SERPING1: variants seen among roughly 807,000 people sequenced by gnomAD.
The protein encoded by SERPING1 is serpin family G member 1, also known as plasma protease C1 inhibitor.
Under a neutral mutation model 34.1 loss-of-function variants are expected in SERPING1, and 5 were observed. The observed-to-expected ratio is 0.15, with a 90% CI of 0.08 to 0.31. The LOEUF is 0.31. Ranked by LOEUF, SERPING1 falls within the 10% of genes least tolerant of loss-of-function variation. The pLI is 1.00. For synonymous variants in SERPING1, 225 were observed against 242.4 expected (o/e 0.93, Z 0.67); for missense variants, 505 against 609.5 (o/e 0.83, Z 1.81).
At chr11:57,611,535 A>G (rs768441647) in intron 6 of SERPING1, 182 bp from the exon 7 acceptor site, 2 of 671,978 alleles carry the variant, frequency 3.0e-6, no homozygotes, top group East Asian at 2.6e-5. Flanking sequence ...ACAGAGTTGG[A>G]TCAGCACTGT....
chr11:57,601,064 T>C (rs1945342480), intron 3 of SERPING1, among the ~76,000 whole-genome samples: 1 of 151,986 alleles, frequency 6.6e-6, no homozygotes, highest in South Asian at 2.1e-4. Flanking sequence ...TGAGTCCTCT[T>C]GTGTAAAATA....
At chr11:57,613,379 T>C (rs1202971842) in intron 7 of SERPING1, among the ~76,000 whole-genome samples, 1 of 152,150 alleles carries the variant, frequency 6.6e-6, no homozygotes, top group African/African-American at 2.4e-5. Flanking sequence ...CAAGACTGGG[T>C]TGTCACCTGT....
intron 4 of SERPING1, among the ~76,000 whole-genome samples, chr11:57,604,778 GGATT>G (rs926920171): frequency 6.6e-6 from 1 of 151,858 alleles, no homozygotes; most frequent in African/African-American, 2.4e-5. Flanking sequence ...TGAGGTAGGA[GGATT>G]GCTTGAGGCT....
At position 57,606,088 on chromosome 11, in the gene SERPING1, G is replaced by A; in HGVS notation, c.764G>A (p.Ser255Asn). The change falls in exon 5 of 8, where the codon AGT becomes AAT. Residue 255 changes from serine (S) to asparagine (N), a missense_variant. Ser to Asn is a conservative substitution (Grantham distance 46). Transcript: ENST00000278407. ...SSSPRVLSNNSDANLELINTW... is the reference protein window; with the variant it reads ...SSSPRVLSNNNDANLELINTW... ...AGCCCCAGAGTCCTAAGCAACAACA[G>A]TGACGCCAACTTGGAGCTCATCAAC... 6.2e-7 allele frequency: 1 copy of A among 1,614,126 alleles called. No homozygotes were observed. The highest frequency in any genetic ancestry group is 8.5e-7 in the Non-Finnish European group (1 of 1,180,024).
intron 1 of SERPING1, 38 bp from the exon 2 acceptor site, chr11:57,598,211 A>C: frequency 6.6e-7 from 1 of 1,514,252 alleles, no homozygotes; most frequent in African/African-American, 1.4e-5. Flanking sequence ...CTGGGCTCCC[A>C]GGGTGGGAGC....
chr11:57,612,674 C>T (rs996308705), intron 7 of SERPING1, among the ~76,000 whole-genome samples: 2 of 152,140 alleles, frequency 1.3e-5, no homozygotes, highest in African/African-American at 4.8e-5. Flanking sequence ...GCCTCGGCCT[C>T]CCAAAGTGCT....
At chr11:57,598,144 A>C (rs910386251) in intron 1 of SERPING1, 105 bp from the exon 2 acceptor site, 12 of 812,714 alleles carry the variant, frequency 1.5e-5, no homozygotes, top group South Asian at 3.5e-5. Context: ...GGAATTCGCT[A>C]AGAGGGACTG....
At chr11:57,613,374 C>T (rs902070218) in intron 7 of SERPING1, among the ~76,000 whole-genome samples, 4 of 152,192 alleles carry the variant, frequency 2.6e-5, no homozygotes, top group African/African-American at 7.2e-5. Context: ...AGTTACAAGA[C>T]TGGGTTGTCA....
chr11:57,614,285 T>A (rs1417374755), intron 7 of SERPING1, 43 bp from the exon 8 acceptor site: 1 of 1,609,194 alleles, frequency 6.2e-7, no homozygotes, highest in South Asian at 1.1e-5. Flanking sequence ...GCTGAGGGTA[T>A]CATGCTGGCT....
intron 6 of SERPING1, among the ~76,000 whole-genome samples, chr11:57,607,342 G>A (rs1453204307): frequency 6.6e-6 from 1 of 152,084 alleles, no homozygotes; most frequent in Non-Finnish European, 1.5e-5. Flanking sequence ...AGGTCACCTT[G>A]GTGGAGAAGT....
intron 4 of SERPING1, among the ~76,000 whole-genome samples, 157 bp downstream of exon 4, chr11:57,602,326 G>A (rs928424845): frequency 1.6e-4 from 25 of 152,208 alleles, no homozygotes; most frequent in African/African-American, 6.0e-4. Context: ...AGGAGCATTA[G>A]GTCACTCCAG....
rs1590821115 is a variant in SERPING1 at position 57,597,988 on chromosome 11, A to G, written c.-22-261A>G. On this transcript the variant is annotated intron_variant, in intron 1 of 7. Coordinates refer to ENST00000278407, the MANE Select transcript of SERPING1 (RefSeq NM_000062.3). ...AGCAGGACCCCCTCCCCCTCCCACC[A>G]CCTCCCCTCCGACTGAACAGATGGA... 2.4e-5 allele frequency: 10 copies of G among 416,206 alleles called. No homozygotes were observed. In the East Asian group the frequency reaches 3.5e-4, roughly 15 times the overall value. 25.8% of individuals were successfully genotyped at this position (416,206 alleles called of 1,614,324 possible). A position where few individuals can be genotyped will look rare whatever the true frequency, so the allele number is the denominator to read the frequency against.
chr11:57,613,469 A>C (rs1350631433), intron 7 of SERPING1, among the ~76,000 whole-genome samples: 3 of 152,344 alleles, frequency 2.0e-5, no homozygotes, highest in African/African-American at 7.2e-5. Flanking sequence ...ATAGCTGACA[A>C]AACTCAGGAG....
chr11:57,602,368 A>T (rs540818357), intron 4 of SERPING1, among the ~76,000 whole-genome samples, 199 bp downstream of exon 4: 50 of 152,378 alleles, frequency 3.3e-4, no homozygotes, highest in South Asian at 6.2e-4. Context: ...GAGACCTTAG[A>T]CAAGTCTCTG....
In SERPING1 at chr11:57,606,216, A is replaced by G. The variant is rs186014033; in HGVS notation, c.889+3A>G. 2.3e-5 allele frequency: 37 copies of G among 1,614,184 alleles called. 1 individual carries two copies. In the East Asian group the frequency reaches 7.1e-4, roughly 31 times the overall value. On this transcript the variant is annotated splice_donor_region_variant and intron_variant, in intron 5 of 7. Transcript: ENST00000278407. ...CCTCAATGCTATCTACCTGAGTGGTAAGGGTGCCCTTAGCCAGTTAGTCTT... is the reference window on the plus strand; with the variant it reads ...CCTCAATGCTATCTACCTGAGTGGTGAGGGTGCCCTTAGCCAGTTAGTCTT...
chr11:57,606,778 C>T, intron 6 of SERPING1: 2 of 696,402 alleles, frequency 2.9e-6, no homozygotes, highest in Non-Finnish European at 5.2e-6. Context: ...TCATGCATCT[C>T]TACTATATTG....
rs765115304 is a variant in SERPING1, at chr11:57,614,669, C to T, written c.*88C>T. ...TGCTGCTGCCTGCCTGGACTTGGCCCCTGCCACCTCCTGCCTCAGGTGTCC... is the reference window on the plus strand; with the variant it reads ...TGCTGCTGCCTGCCTGGACTTGGCCTCTGCCACCTCCTGCCTCAGGTGTCC... On this transcript the variant is annotated 3_prime_UTR_variant, in exon 8 of 8. Coordinates refer to ENST00000278407, the MANE Select transcript of SERPING1 (RefSeq NM_000062.3). 1.6e-5 allele frequency: 23 copies of T among 1,452,974 alleles called. No homozygotes were observed. Among genetic ancestry groups the T allele is most frequent in the Non-Finnish European group, 2.1e-5 (23 of 1,070,652 alleles). 90.0% of individuals were successfully genotyped at this position (1,452,974 alleles called of 1,614,324 possible). A position where few individuals can be genotyped will look rare whatever the true frequency, so the allele number is the denominator to read the frequency against.
intron 6 of SERPING1, among the ~76,000 whole-genome samples, chr11:57,610,587 C>A (rs987253973): frequency 2.0e-5 from 3 of 152,210 alleles, no homozygotes; most frequent in East Asian, 1.9e-4. Context: ...CTTCTAGATT[C>A]TTTTTGTTCC....
At chr11:57,602,665 G>T (rs1436474556) in intron 4 of SERPING1, among the ~76,000 whole-genome samples, 1 of 150,830 alleles carries the variant, frequency 6.6e-6, no homozygotes, top group East Asian at 2.0e-4. Context: ...TGAGGCAGGA[G>T]AATTGCTTGA....
Sources: allele counts gnomAD v4.1 joint callset (sites outside exome capture counted in the v4.1 genomes callset), GRCh38; gene constraint gnomAD v4.1.1; transcripts MANE v1.5; gene names NCBI Gene and HGNC (gene_info 2026-07-23, HGNC 2026-07-21).